The following DAD1 variants were observed in gnomAD, a reference collection of about 807,000 sequenced individuals.
The protein encoded by DAD1 is defender against cell death 1.
In DAD1, 4 loss-of-function variants were observed where a neutral mutation model predicts 9.0. The observed-to-expected ratio is 0.44, with a 90% CI of 0.22 to 1.01. DAD1 has a LOEUF of 1.01. DAD1 is among the 50% of genes least tolerant of loss of function. The pLI, the probability that DAD1 is intolerant of heterozygous loss-of-function variation, is 0.24. For synonymous variants in DAD1, 60 were observed against 62.5 expected (o/e 0.96, Z 0.19); for missense variants, 119 against 137.3 (o/e 0.87, Z 0.67).
chr14:22,578,723 T>C (rs1158997242), intron 1 of DAD1, among the ~76,000 whole-genome samples: 1 of 152,224 alleles, frequency 6.6e-6, no homozygotes, highest in Non-Finnish European at 1.5e-5. Flanking sequence ...GGTAATGTCC[T>C]GCATCTTGAT....
chr14:22,565,172 T>C (rs5742871), intron 2 of DAD1, 35 bp from the exon 3 acceptor site: 36 of 701,964 alleles, frequency 5.1e-5, no homozygotes, highest in African/African-American at 2.6e-4. Context: ...AAATGTCTTA[T>C]GATACTAGAG....
At chr14:22,570,169 C>T (rs1231357374) in intron 2 of DAD1, among the ~76,000 whole-genome samples, 1 of 150,038 alleles carries the variant, frequency 6.7e-6, no homozygotes, top group Admixed American at 6.6e-5. Flanking sequence ...CCTCCACCAA[C>T]AAAAAATTAA....
intron 1 of DAD1, among the ~76,000 whole-genome samples, chr14:22,582,695 C>G (rs780727620): frequency 3.3e-5 from 5 of 152,054 alleles, no homozygotes; most frequent in Non-Finnish European, 5.9e-5. Flanking sequence ...ACCCCGGAAA[C>G]TTAAATTTCT....
rs1005552577 is a variant in DAD1 at position 22,577,119 on chromosome 14, G to C, written c.212-1886C>G. Among the ~76,000 whole-genome samples the C allele has an allele frequency of 3.3e-5, 5 of 152,256 alleles. No homozygotes were observed. The East Asian group carries it at 9.6e-4, about 29-fold the overall frequency. ...TATAATCCAGCAATTCCACTTCTGGGTACATATCCAAAAGAAGTGAAAGCA... is the reference window on the plus strand; with the variant it reads ...TATAATCCAGCAATTCCACTTCTGGCTACATATCCAAAAGAAGTGAAAGCA... On this transcript the variant is annotated intron_variant, in intron 1 of 2. Transcript: ENST00000250498.
At chr14:22,581,972 G>C (rs1168269978) in intron 1 of DAD1, among the ~76,000 whole-genome samples, 3 of 151,878 alleles carry the variant, frequency 2.0e-5, no homozygotes, top group Non-Finnish European at 2.9e-5. Flanking sequence ...GGAGGCCGAG[G>C]TGGGTGGATC....
At chr14:22,568,299 C>T (rs1448052181) in intron 2 of DAD1, among the ~76,000 whole-genome samples, 2 of 152,172 alleles carry the variant, frequency 1.3e-5, no homozygotes, top group Admixed American at 1.3e-4. Context: ...GTATGTGAAT[C>T]CTACAAGCCT....
At chr14:22,582,744 A>G (rs56393779) in intron 1 of DAD1, among the ~76,000 whole-genome samples, 106,271 of 152,016 alleles carry the variant, frequency 0.7, 38,830 homozygotes, top group African/African-American at 0.93. Flanking sequence ...GGCGGCTCAC[A>G]CCTGTAATCC....
At position 22,575,178 on chromosome 14, in the gene DAD1, G is replaced by A. The variant is rs776427616; in HGVS notation, c.267C>T (p.Ser89=). 5.6e-6 allele frequency: 9 copies of A among 1,614,180 alleles called. No individual in the cohort carries two copies. The Admixed American group carries it at 1.2e-4, about 21-fold the overall frequency. ...PQNKADFQGI[S]PERAFADFLF... is the part of the protein sequence containing the mutation. ...GAAAATCAGCAAAGGCTCGCTCTGG[G>A]GAGATGCCTTGGAAATCCGCTTTGT... is the stretch of plus-strand genomic sequence containing the variant. Residue 89 remains serine (S), a synonymous_variant, in exon 2 of 3, where the codon TCC becomes TCT. Transcript: ENST00000250498.
At chr14:22,575,289 G>A in intron 1 of DAD1, 56 bp from the exon 2 acceptor site, 5 of 1,581,490 alleles carry the variant, frequency 3.2e-6, no homozygotes, top group Non-Finnish European at 4.3e-6. Context: ...AAATAAATAT[G>A]CTAATGAACA....
intron 1 of DAD1, among the ~76,000 whole-genome samples, chr14:22,586,517 T>C (rs1012742783): frequency 1.1e-4 from 16 of 152,200 alleles, no homozygotes; most frequent in African/African-American, 3.6e-4. Flanking sequence ...CACTCCAGCC[T>C]GAGAAAAAAG....
chr14:22,576,381 G>A (rs752991930), intron 1 of DAD1, among the ~76,000 whole-genome samples: 8 of 152,120 alleles, frequency 5.3e-5, no homozygotes, highest in Non-Finnish European at 1.0e-4. Context: ...CTCAACCAAC[G>A]ATGCTGGGAA....
At chr14:22,571,397 GA>G (rs2037038928) in intron 2 of DAD1, among the ~76,000 whole-genome samples, 1 of 151,076 alleles carries the variant, frequency 6.6e-6, no homozygotes, top group African/African-American at 2.4e-5. Context: ...TTTAAATACT[GA>G]AATCCACTGA....
chr14:22,567,360 G>A (rs1015816128), intron 2 of DAD1, among the ~76,000 whole-genome samples: 3 of 152,154 alleles, frequency 2.0e-5, no homozygotes, highest in Admixed American at 6.5e-5. Flanking sequence ...CTGGATTCTA[G>A]TCACCCAATT....
chr14:22,568,594 C>T (rs2037016647), intron 2 of DAD1, among the ~76,000 whole-genome samples: 1 of 152,106 alleles, frequency 6.6e-6, no homozygotes, highest in African/African-American at 2.4e-5. Flanking sequence ...ACATCCAGAC[C>T]AATCCTCTCA....
chr14:22,573,265 C>T (rs1381057689), intron 2 of DAD1, among the ~76,000 whole-genome samples: 1 of 151,880 alleles, frequency 6.6e-6, no homozygotes, highest in African/African-American at 2.4e-5. Flanking sequence ...GCCCACCTCG[C>T]CTTCCGAAAG....
At chr14:22,582,922 C>T (rs1043903289) in intron 1 of DAD1, among the ~76,000 whole-genome samples, 6 of 148,082 alleles carry the variant, frequency 4.1e-5, no homozygotes, top group Non-Finnish European at 8.9e-5. Context: ...AGGAGAATTG[C>T]TTAAACCCGG....
intron 2 of DAD1, among the ~76,000 whole-genome samples, chr14:22,574,016 G>C (rs928902681): frequency 6.6e-6 from 1 of 152,152 alleles, no homozygotes; most frequent in Non-Finnish European, 1.5e-5. Flanking sequence ...GGAAGAGGTT[G>C]GTCCTAGGAT....
At chr14:22,586,765 C>T (rs986195820) in intron 1 of DAD1, among the ~76,000 whole-genome samples, 1 of 152,154 alleles carries the variant, frequency 6.6e-6, no homozygotes, top group African/African-American at 2.4e-5. Context: ...TCCAAATTTC[C>T]CATTAAAACC....
intron 1 of DAD1, among the ~76,000 whole-genome samples, chr14:22,582,230 A>C (rs553310410): frequency 1.1e-4 from 14 of 128,106 alleles, no homozygotes; most frequent in South Asian, 8.0e-4. Context: ...AAAAATAAAA[A>C]TAGGCCAGGC....
Sources: allele counts gnomAD v4.1 joint callset (sites outside exome capture counted in the v4.1 genomes callset), GRCh38; gene constraint gnomAD v4.1.1; transcripts MANE v1.5; gene names NCBI Gene and HGNC (gene_info 2026-07-23, HGNC 2026-07-21).